POU3F3: variants seen among roughly 807,000 people sequenced by gnomAD.
The protein encoded by POU3F3 is POU class 3 homeobox 3.
POU3F3 carries 1 observed loss-of-function variant against 8.6 expected under a neutral mutation model. The observed-to-expected ratio is 0.12, with a 90% CI of 0.04 to 0.55. POU3F3 has a LOEUF of 0.55. Ranked by LOEUF, POU3F3 falls within the 20% of genes least tolerant of loss-of-function variation. The pLI is 0.91. For missense variants in POU3F3, 577 were observed against 690.7 expected (o/e 0.84, Z 1.84); for synonymous variants, 418 against 327.4 (o/e 1.28, Z -2.99).
chr2:104,880,216 G>A, the POU3F3 span, among the ~76,000 whole-genome samples: 4 of 151,274 alleles, frequency 2.6e-5, no homozygotes, highest in African/African-American at 9.7e-5. Context: ...AGACAGATTT[G>A]GGACCACCTG....
chr2:104,908,905 A>G, the POU3F3 span, among the ~76,000 whole-genome samples: 1 of 152,218 alleles, frequency 6.6e-6, no homozygotes, highest in African/African-American at 2.4e-5. Context: ...ATGGACATAC[A>G]TGTATATTTT....
the POU3F3 span, among the ~76,000 whole-genome samples, chr2:104,879,999 A>G: frequency 6.6e-6 from 1 of 152,198 alleles, no homozygotes; most frequent in Non-Finnish European, 1.5e-5. Context: ...TTTCGAATGC[A>G]TTTTGTGACT....
the POU3F3 span, among the ~76,000 whole-genome samples, chr2:104,880,801 G>C: frequency 6.6e-6 from 1 of 152,142 alleles, no homozygotes; most frequent in African/African-American, 2.4e-5. Context: ...TCTTCTGTGG[G>C]CCAAGAGCTT....
At chr2:104,866,325 T>A in the POU3F3 span, 1 of 152,168 alleles carries the variant, frequency 6.6e-6, no homozygotes, top group Non-Finnish European at 1.5e-5. Flanking sequence ...TATTTACATA[T>A]GTACCTGATC....
At chr2:104,894,883 T>C in the POU3F3 span, among the ~76,000 whole-genome samples, 1 of 152,226 alleles carries the variant, frequency 6.6e-6, no homozygotes, top group East Asian at 1.9e-4. Context: ...TCCCAGGTCC[T>C]AGGGCTGCCT....
At chr2:104,907,634 AT>A in the POU3F3 span, among the ~76,000 whole-genome samples, 8 of 152,206 alleles carry the variant, frequency 5.3e-5, no homozygotes, top group Non-Finnish European at 1.2e-4. Flanking sequence ...TGAAGTAGCT[AT>A]CCATTCCTTT....
the POU3F3 span, among the ~76,000 whole-genome samples, chr2:104,864,292 G>A: frequency 6.6e-6 from 1 of 152,212 alleles, no homozygotes; most frequent in Non-Finnish European, 1.5e-5. Flanking sequence ...AAAGATCCCG[G>A]GACAAAGGCG....
rs749208505 is a variant in POU3F3, at chr2:104,856,011, C to A, written c.501C>A (p.Arg167=). 1.2e-4 allele frequency: 119 copies of A among 985,848 alleles called. No homozygotes were observed. Among genetic ancestry groups the A allele is most frequent in the Non-Finnish European group, 1.4e-4 (116 of 833,702 alleles). The allele number at this position is 985,848 out of a possible 1,614,324, so 61.1% of individuals were successfully genotyped here. A position where few individuals can be genotyped will look rare whatever the true frequency, so the allele number is the denominator to read the frequency against. The change falls in exon 1 of 1, where the codon CGC becomes CGA. Residue 167 remains arginine, a synonymous_variant. Transcript: ENST00000361360. ...ACGCGGGCACAGCGCTGCACCACCG[C>A]GGGCCGCCGCACCTCGGACCCCCGC... ...DLHAGTALHH[R]GPPHLGPPPP...
chr2:104,875,927 A>C, the POU3F3 span, among the ~76,000 whole-genome samples: 3 of 152,142 alleles, frequency 2.0e-5, no homozygotes, highest in African/African-American at 7.2e-5. Context: ...CATGTTGGCC[A>C]GGCTGGTCAG....
chr2:104,914,708 G>A, the POU3F3 span, among the ~76,000 whole-genome samples: 1 of 152,320 alleles, frequency 6.6e-6, no homozygotes, highest in South Asian at 2.1e-4. Flanking sequence ...AGCTGAAGGA[G>A]GAGGGAGTTA....
the POU3F3 span, among the ~76,000 whole-genome samples, chr2:104,901,875 A>C: frequency 6.6e-6 from 1 of 152,154 alleles, no homozygotes; most frequent in Non-Finnish European, 1.5e-5. Flanking sequence ...AATAACCTGG[A>C]GCTTCTCACA....
chr2:104,920,177 G>C, the POU3F3 span, among the ~76,000 whole-genome samples: 1 of 152,134 alleles, frequency 6.6e-6, no homozygotes, highest in African/African-American at 2.4e-5. Context: ...ATCACGCCCA[G>C]CTAACTTTTG....
rs2104340007 is a variant in POU3F3 at position 104,855,901 on chromosome 2, G to T, written c.391G>T (p.Gly131Cys). Residue 131 changes from glycine (G) to cysteine (C), a missense_variant, in exon 1 of 1, where the codon GGC becomes TGC. Physicochemically the swap from Gly to Cys is radical, Grantham distance 159 (BLOSUM62 -3). This residue lies in a region of POU3F3 where 484 missense variants were observed against 422.6 expected (regional missense o/e 1.15). Transcript: ENST00000361360. ...GTCGGGCAGCGCCGTGGGCATGGCT[G>T]GCAGCCCCCAGCAGCCACCGCAGCC... is the stretch of plus-strand genomic sequence containing the variant. ...PWSGSAVGMA[G>C]SPQQPPQPPP... The T allele has an allele frequency of 9.4e-7, 1 of 1,062,424 alleles. No homozygotes were observed. Among genetic ancestry groups the T allele is most frequent in the Non-Finnish European group, 1.1e-6 (1 of 883,370 alleles). The allele number at this position is 1,062,424 out of a possible 1,614,324, so 65.8% of individuals were successfully genotyped here.
At position 104,856,959 on chromosome 2, in the gene POU3F3, C is replaced by T. The variant is rs1406322249; in HGVS notation, c.1449C>T (p.Thr483=). 6.2e-7 allele frequency: 1 copy of T among 1,612,004 alleles called. No individual in the cohort carries two copies. The highest frequency in any genetic ancestry group is 1.3e-5 in the African/African-American group (1 of 75,014). ...TPDDVYSQVG[T]VSADTPPPHH... Reference sequence around the variant, plus strand: ...ACGACGTCTACTCGCAGGTGGGCACCGTGAGCGCCGACACGCCGCCGCCTC... The same window carrying T: ...ACGACGTCTACTCGCAGGTGGGCACTGTGAGCGCCGACACGCCGCCGCCTC... The change falls in exon 1 of 1, where the codon ACC becomes ACT. Residue 483 remains threonine (T), a synonymous_variant. Coordinates refer to ENST00000361360, the MANE Select transcript of POU3F3 (RefSeq NM_006236.3).
chr2:104,856,816 A>G lies in POU3F3; in HGVS notation c.1306A>G (p.Ile436Val). 1 of 1,614,078 alleles carries G rather than the reference A, an allele frequency of 6.2e-7. No homozygotes were observed. Among genetic ancestry groups the G allele is most frequent in the Non-Finnish European group, 8.5e-7 (1 of 1,180,000 alleles). Residue 436 changes from isoleucine (I) to valine (V), a missense_variant, in exon 1 of 1, where the codon ATC becomes GTC. By Grantham distance (29) the Ile-to-Val change is conservative. Around this residue, in one of 7 missense-constraint regions of POU3F3, gnomAD observed 21 missense variants for 41.9 expected, o/e 0.50. Coordinates refer to ENST00000361360, the MANE Select transcript of POU3F3 (RefSeq NM_006236.3). ...GTGCCCCAAGCCCTCCGCGCAGGAG[A>G]TCACCAACCTGGCCGACAGCCTGCA... Reference protein sequence around the residue: ...LKCPKPSAQEITNLADSLQLE... With the variant: ...LKCPKPSAQEVTNLADSLQLE...
At chr2:104,895,033 G>T in the POU3F3 span, among the ~76,000 whole-genome samples, 1 of 151,210 alleles carries the variant, frequency 6.6e-6, no homozygotes, top group South Asian at 2.1e-4. Context: ...CCCAGACTGG[G>T]GCATCTTCAC....
the POU3F3 span, among the ~76,000 whole-genome samples, chr2:104,892,529 G>C: frequency 6.6e-6 from 1 of 151,922 alleles, no homozygotes; most frequent in Non-Finnish European, 1.5e-5. Flanking sequence ...GCAGTGGTGT[G>C]ATCACAGCTC....
At chr2:104,874,763 C>T in the POU3F3 span, among the ~76,000 whole-genome samples, 5 of 152,274 alleles carry the variant, frequency 3.3e-5, no homozygotes, top group African/African-American at 7.2e-5. Context: ...ATTCTTTCTC[C>T]GTCACAAATG....
rs2104341135 is a variant in POU3F3 at position 104,856,722 on chromosome 2, C to T, written c.1212C>T (p.Gly404=). 1.9e-6 allele frequency: 3 copies of T among 1,614,140 alleles called. 1 individual carries two copies. Among genetic ancestry groups the T allele is most frequent in the South Asian group, 2.2e-5 (2 of 91,080 alleles). ...GCATCGACAAGATCGCGGCGCAGGG[C>T]CGCAAGCGCAAGAAGCGGACCTCTA... The part of the protein sequence containing the change: ...PTSIDKIAAQ[G]RKRKKRTSIE... The change falls in exon 1 of 1, where the codon GGC becomes GGT. Residue 404 remains glycine (G), a synonymous_variant. Coordinates refer to ENST00000361360, the MANE Select transcript of POU3F3 (RefSeq NM_006236.3).
Sources: allele counts gnomAD v4.1 joint callset (sites outside exome capture counted in the v4.1 genomes callset), GRCh38; gene constraint gnomAD v4.1.1; regional missense constraint gnomAD v4.1.1; transcripts MANE v1.5; gene names NCBI Gene and HGNC (gene_info 2026-07-23, HGNC 2026-07-21).